Variants in ARIH1 observed in about 807,000 individuals in gnomAD.
The protein encoded by ARIH1 is E3 ubiquitin-protein ligase ARIH1.
Under a neutral mutation model 85.0 loss-of-function variants are expected in ARIH1, and 8 were observed. That is an observed-to-expected ratio of 0.09 (90% CI 0.06 to 0.17). The LOEUF is 0.17. Among genes scored for constraint, ARIH1 ranks in the 10% least tolerant of loss-of-function variants. ARIH1 has a pLI of 1.00. For missense variants in ARIH1, 311 were observed against 718.1 expected (o/e 0.43, Z 6.48); for synonymous variants, 238 against 253.6 (o/e 0.94, Z 0.59).
At chr15:72,502,463 A>C (rs2063907858) in intron 1 of ARIH1, among the ~76,000 whole-genome samples, 1 of 152,294 alleles carries the variant, frequency 6.6e-6, no homozygotes, top group Non-Finnish European at 1.5e-5. Context: ...AGGATTGCCA[A>C]CAGTTAATTG....
rs1331060877 is a variant in ARIH1 at position 72,596,030 on chromosome 15, A to T, written c.*12738A>T. On this transcript the variant is annotated 3_prime_UTR_variant, in exon 14 of 14. Transcript: ENST00000379887. ...GAAACGGGGTTTCACCATATTGGCCAGGCTGGTCTTGAACTCCTGGCCTCA... is the reference window on the plus strand; with the variant it reads ...GAAACGGGGTTTCACCATATTGGCCTGGCTGGTCTTGAACTCCTGGCCTCA... 6.6e-6 allele frequency: 1 copy of T among 151,962 alleles called. No individual in the cohort carries two copies. The highest frequency in any genetic ancestry group is 1.5e-5 in the Non-Finnish European group (1 of 68,016). The allele number at this position is 151,962 out of a possible 1,614,324, so 9.4% of individuals were successfully genotyped here.
rs1472719226 is a variant in ARIH1, at chr15:72,599,994, T to G, written c.*16702T>G. 6.6e-6 allele frequency: 1 copy of G among 152,214 alleles called. No homozygotes were observed. The highest frequency in any genetic ancestry group is 1.5e-5 in the Non-Finnish European group (1 of 68,040). 9.4% of individuals were successfully genotyped at this position (152,214 alleles called of 1,614,324 possible). A position where few individuals can be genotyped will look rare whatever the true frequency, so the allele number is the denominator to read the frequency against. On this transcript the variant is annotated 3_prime_UTR_variant, in exon 14 of 14. Transcript: ENST00000379887. ...TGGCTGGACTCTCAAGCGTTTGTGG[T>G]ATAGGTTTTGGGAGGACTGGACACT...
chr15:72,563,366 A>AT (rs571861935), intron 6 of ARIH1, 28 bp from the exon 7 acceptor site: 28 of 1,594,904 alleles, frequency 1.8e-5, no homozygotes, highest in Non-Finnish European at 2.3e-5. Context: ...GCCAGCTGTC[A>AT]TTTTTTATTT....
At chr15:72,557,593 G>A (rs907467088) in intron 5 of ARIH1, among the ~76,000 whole-genome samples, 13 of 152,092 alleles carry the variant, frequency 8.5e-5, no homozygotes, top group Admixed American at 6.6e-4. Flanking sequence ...TTGCAGTTGC[G>A]TTTGGGGACT....
At chr15:72,531,589 TC>T (rs1459698864) in intron 2 of ARIH1, among the ~76,000 whole-genome samples, 1 of 152,092 alleles carries the variant, frequency 6.6e-6, no homozygotes, top group Non-Finnish European at 1.5e-5. Context: ...TTTAAAAACA[TC>T]TTAGTAAAAC....
At chr15:72,511,065 G>T (rs920970716) in intron 1 of ARIH1, among the ~76,000 whole-genome samples, 1 of 152,140 alleles carries the variant, frequency 6.6e-6, no homozygotes, top group Non-Finnish European at 1.5e-5. Flanking sequence ...AGTTTGGGAA[G>T]AATTAACATT....
At chr15:72,475,451 G>A (rs78383921) in intron 1 of ARIH1, among the ~76,000 whole-genome samples, 8,710 of 152,284 alleles carry the variant, frequency 0.057, 366 homozygotes, top group South Asian at 0.083. Context: ...AGGGATTAGA[G>A]TAGGCCTAAG....
At chr15:72,534,352 A>T (rs1891419173) in intron 2 of ARIH1, among the ~76,000 whole-genome samples, 1 of 151,498 alleles carries the variant, frequency 6.6e-6, no homozygotes, top group Admixed American at 6.6e-5. Flanking sequence ...GAGTACTAGC[A>T]GTCTTCTGTT....
intron 3 of ARIH1, among the ~76,000 whole-genome samples, chr15:72,548,725 A>T (rs1294675926): frequency 6.6e-6 from 1 of 152,186 alleles, no homozygotes; most frequent in African/African-American, 2.4e-5. Flanking sequence ...AAGTTTTATT[A>T]TTGGATGAGT....
In ARIH1 at chr15:72,519,490, T is replaced by G. The variant is rs1287252352; in HGVS notation, c.443+1356T>G. Reference sequence around the variant, plus strand: ...TGTTTTTTTTGTTTTTTTTTTTTTTTTTTTTTTTTTGAGACGGAGTTTCGC... The same window carrying G: ...TGTTTTTTTTGTTTTTTTTTTTTTTGTTTTTTTTTTGAGACGGAGTTTCGC... On this transcript the variant is annotated intron_variant, in intron 2 of 13. Transcript: ENST00000379887. Among the ~76,000 whole-genome samples the G allele has an allele frequency of 7.2e-3, 989 of 136,928 alleles. 27 individuals carry two copies. The highest frequency in any genetic ancestry group is 0.047 in the Admixed American group (625 of 13,288). The allele number at this position is 136,928 out of a possible 152,430, so 89.8% of individuals were successfully genotyped here.
At chr15:72,480,943 G>A (rs559879086) in intron 1 of ARIH1, among the ~76,000 whole-genome samples, 10 of 152,178 alleles carry the variant, frequency 6.6e-5, no homozygotes, top group Non-Finnish European at 1.3e-4. Context: ...TGTTTTATTC[G>A]TTTAACATCA....
intron 1 of ARIH1, among the ~76,000 whole-genome samples, chr15:72,481,533 A>T (rs536953446): frequency 1.2e-4 from 18 of 152,200 alleles, no homozygotes; most frequent in African/African-American, 4.3e-4. Flanking sequence ...ATATGGTGAA[A>T]CACTAGCTGG....
intron 1 of ARIH1, among the ~76,000 whole-genome samples, chr15:72,507,981 A>G (rs1218181568): frequency 1.3e-5 from 2 of 152,248 alleles, no homozygotes; most frequent in Non-Finnish European, 2.9e-5. Context: ...AGTAGTTCCC[A>G]GTTCTGTCTG....
At chr15:72,577,631 C>T (rs2064277606) in intron 11 of ARIH1, among the ~76,000 whole-genome samples, 1 of 152,090 alleles carries the variant, frequency 6.6e-6, no homozygotes, top group South Asian at 2.1e-4. Context: ...CGAGATCGCA[C>T]CATTGCACTC....
intron 1 of ARIH1, among the ~76,000 whole-genome samples, chr15:72,491,805 T>G (rs991290788): frequency 6.6e-6 from 1 of 152,234 alleles, no homozygotes; most frequent in African/African-American, 2.4e-5. Context: ...ATAGAGGAAT[T>G]AAATAACCAG....
intron 9 of ARIH1, among the ~76,000 whole-genome samples, chr15:72,567,562 C>A (rs1028437389): frequency 6.6e-6 from 1 of 152,172 alleles, no homozygotes; most frequent in African/African-American, 2.4e-5. Context: ...ATTTTTGTTT[C>A]TAATTTTTTG....
chr15:72,534,323 A>AC (rs775980032), intron 2 of ARIH1, among the ~76,000 whole-genome samples: 11 of 151,812 alleles, frequency 7.2e-5, no homozygotes, highest in Non-Finnish European at 1.6e-4. Flanking sequence ...TAGTGATCAT[A>AC]CGTTTAGGGG....
intron 2 of ARIH1, among the ~76,000 whole-genome samples, chr15:72,536,984 T>C (rs1343308607): frequency 6.6e-6 from 1 of 152,174 alleles, no homozygotes; most frequent in African/African-American, 2.4e-5. Context: ...GAGCAGTATG[T>C]ATATTTAGCT....
At chr15:72,548,576 A>G (rs2064139467) in intron 3 of ARIH1, among the ~76,000 whole-genome samples, 1 of 152,230 alleles carries the variant, frequency 6.6e-6, no homozygotes, top group Admixed American at 6.5e-5. Context: ...AAGGTAAGGC[A>G]TTATGGAAAC....
Sources: gnomAD v4.1 joint callset for allele counts (sites outside exome capture counted in the v4.1 genomes callset) on GRCh38, gnomAD v4.1.1 for gene constraint, MANE v1.5 for transcripts, NCBI Gene and HGNC (gene_info 2026-07-23, HGNC 2026-07-21) for gene names.